The following ANKS1A variants were observed in gnomAD, a reference collection of about 807,000 sequenced individuals.
The protein encoded by ANKS1A is ankyrin repeat and SAM domain-containing protein 1A.
A neutral mutation model predicts 120.3 loss-of-function variants in ANKS1A; 55 were observed. The ratio of observed to expected loss-of-function variants is 0.46; its 90% CI spans 0.37 to 0.57. The LOEUF (loss-of-function observed/expected upper bound fraction) is 0.57, where lower values mean the gene tolerates loss of function less well. Among genes scored for constraint, ANKS1A ranks in the 20% least tolerant of loss-of-function variants. The pLI, the probability that ANKS1A is intolerant of heterozygous loss-of-function variation, is 0.00. For synonymous variants in ANKS1A, 590 were observed against 604.7 expected (o/e 0.98, Z 0.36); for missense variants, 1,123 against 1,480.3 (o/e 0.76, Z 3.96).
chr6:34,889,358 G>A lies in ANKS1A; in HGVS notation c.-45G>A. The A allele has an allele frequency of 7.2e-6, 9 of 1,246,106 alleles. No homozygotes were observed. Among genetic ancestry groups the A allele is most frequent in the Non-Finnish European group, 9.0e-6 (9 of 996,762 alleles). 77.2% of individuals were successfully genotyped at this position (1,246,106 alleles called of 1,614,324 possible). On this transcript the variant is annotated 5_prime_UTR_variant, in exon 1 of 24. Transcript: ENST00000360359. This position sits in a 1 kb window ranked among gnomAD's most constrained non-coding sequence, Gnocchi z 5.5. The stretch of plus-strand genomic sequence containing the variant: ...AAAGTTTGGGAGCCCGAGCAGGCTC[G>A]GCTGCAGCCTCGGGGAGGGGGTCCA...
At position 35,091,294 on chromosome 6, in the gene ANKS1A, G is replaced by A; in HGVS notation, c.*2685G>A. On this transcript the variant is annotated 3_prime_UTR_variant, in exon 24 of 24. Transcript: ENST00000360359. ...TGTGCAACAACATAGACTGACCTCA[G>A]TACCCAAGAGAGTGTAAATATTTCT... is the stretch of plus-strand genomic sequence containing the variant. 1.0e-6 allele frequency: 1 copy of A among 985,822 alleles called. No individual in the cohort carries two copies. The highest frequency in any genetic ancestry group is 1.2e-6 in the Non-Finnish European group (1 of 829,944). The allele number at this position is 985,822 out of a possible 1,614,324, so 61.1% of individuals were successfully genotyped here.
At chr6:35,046,960 T>G (rs985054423) in intron 11 of ANKS1A, among the ~76,000 whole-genome samples, 1 of 152,174 alleles carries the variant, frequency 6.6e-6, no homozygotes, top group Non-Finnish European at 1.5e-5. Context: ...CACTCTAAAT[T>G]TTGCCTATTC....
intron 1 of ANKS1A, among the ~76,000 whole-genome samples, chr6:34,936,983 G>A (rs1156893253): frequency 6.6e-6 from 1 of 152,132 alleles, no homozygotes; most frequent in Non-Finnish European, 1.5e-5. Flanking sequence ...ATCTCAAGAG[G>A]CTTAGAGTCT....
chr6:34,896,073 T>C (rs965657721), intron 1 of ANKS1A, among the ~76,000 whole-genome samples: 1 of 151,460 alleles, frequency 6.6e-6, no homozygotes, highest in African/African-American at 2.4e-5. Flanking sequence ...TTTTTTTTTT[T>C]TCTTTTTTTT....
intron 11 of ANKS1A, among the ~76,000 whole-genome samples, chr6:35,032,533 C>G (rs1774959581): frequency 6.6e-6 from 1 of 152,180 alleles, no homozygotes; most frequent in African/African-American, 2.4e-5. Flanking sequence ...AGAAAAAATG[C>G]AAGTCCTTGA....
intron 1 of ANKS1A, among the ~76,000 whole-genome samples, chr6:34,907,382 C>T (rs924962429): frequency 4.9e-4 from 75 of 152,202 alleles, no homozygotes; most frequent in African/African-American, 1.7e-3. Flanking sequence ...GGTATTGGTT[C>T]GAGGACCCCC....
At chr6:34,955,810 A>C (rs1316510730) in intron 1 of ANKS1A, among the ~76,000 whole-genome samples, 1 of 152,214 alleles carries the variant, frequency 6.6e-6, no homozygotes, top group Non-Finnish European at 1.5e-5. Context: ...ATTTCACCTC[A>C]GAATTTTGAA....
In ANKS1A at chr6:35,082,742, C is replaced by T; in HGVS notation, c.2761C>T (p.Pro921Ser). 6.2e-7 allele frequency: 1 copy of T among 1,613,852 alleles called. No individual in the cohort carries two copies. Among genetic ancestry groups the T allele is most frequent in the South Asian group, 1.1e-5 (1 of 91,062 alleles). The part of the protein sequence containing the change: ...LTLRPPSLAA[P>S]YAPVQSWQHQ... ...CCTGCGGCCCCCGAGCCTGGCAGCC[C>T]CCTACGCCCCAGTGCAGAGTTGGCA... The change falls in exon 18 of 24, where the codon CCC becomes TCC. Residue 921 changes from proline to serine, a missense_variant. By Grantham distance (74) the Pro-to-Ser change is moderately conservative. Transcript: ENST00000360359. This position sits in a 1 kb window ranked among gnomAD's most constrained non-coding sequence, Gnocchi z 4.1.
chr6:35,030,615 A>G (rs1470877000), intron 11 of ANKS1A, among the ~76,000 whole-genome samples: 2 of 152,228 alleles, frequency 1.3e-5, no homozygotes, highest in Non-Finnish European at 2.9e-5. Flanking sequence ...CTTGTAAACC[A>G]CAAGTAACCC....
intron 11 of ANKS1A, among the ~76,000 whole-genome samples, chr6:35,041,171 C>T (rs1043039374): frequency 6.6e-6 from 1 of 152,222 alleles, no homozygotes. Context: ...TTCCTTGGCT[C>T]CTCTGACTGC....
At chr6:35,076,279 C>T (rs1461348231) in intron 13 of ANKS1A, among the ~76,000 whole-genome samples, 13 of 152,050 alleles carry the variant, frequency 8.5e-5, no homozygotes, top group Admixed American at 2.6e-4. Flanking sequence ...AAAAATTAGC[C>T]AGGTGTGGTG....
chr6:34,967,103 C>A (rs1245984034), intron 1 of ANKS1A, 136 bp from the exon 2 acceptor site: 16 of 730,012 alleles, frequency 2.2e-5, no homozygotes, highest in Non-Finnish European at 3.5e-5. Flanking sequence ...TGTGTGTTAT[C>A]AGGAGTCATT....
intron 14 of ANKS1A, among the ~76,000 whole-genome samples, chr6:35,079,208 G>T (rs1777526812): frequency 6.6e-6 from 1 of 152,188 alleles, no homozygotes; most frequent in South Asian, 2.1e-4. Context: ...GTCCCTCCAG[G>T]CCCGTGACCT....
chr6:35,028,720 A>G (rs1241145724), intron 11 of ANKS1A, among the ~76,000 whole-genome samples: 2 of 152,182 alleles, frequency 1.3e-5, no homozygotes, highest in African/African-American at 4.8e-5. Context: ...TGCTTTTTTC[A>G]TGTAATAGTA....
At chr6:35,062,690 C>G (rs1776570573) in intron 13 of ANKS1A, among the ~76,000 whole-genome samples, 1 of 152,190 alleles carries the variant, frequency 6.6e-6, no homozygotes, top group Non-Finnish European at 1.5e-5. Flanking sequence ...CATTTGTGCA[C>G]ATCACACAGC....
At chr6:34,891,933 C>T (rs1240499148) in intron 1 of ANKS1A, among the ~76,000 whole-genome samples, 1 of 152,124 alleles carries the variant, frequency 6.6e-6, no homozygotes, top group East Asian at 1.9e-4. Flanking sequence ...GGCCTCAGGT[C>T]AAGTTATTCT....
At chr6:34,912,254 T>G (rs543752085) in intron 1 of ANKS1A, among the ~76,000 whole-genome samples, 1 of 152,362 alleles carries the variant, frequency 6.6e-6, no homozygotes, top group African/African-American at 2.4e-5. Flanking sequence ...TTCTTGTTTA[T>G]TTATTTGTTG....
intron 10 of ANKS1A, among the ~76,000 whole-genome samples, chr6:34,996,947 C>T (rs73403805): frequency 0.12 from 18,976 of 152,092 alleles, 1,345 homozygotes; most frequent in East Asian, 0.34. Context: ...ACCTTCCTTT[C>T]GCTATTGAAT....
chr6:35,097,614 C>T, the ANKS1A span, among the ~76,000 whole-genome samples: 4 of 115,812 alleles, frequency 3.5e-5, no homozygotes. Flanking sequence ...AAGTCTGACA[C>T]AAGGCACCAG....
Sources: allele counts gnomAD v4.1 joint callset (sites outside exome capture counted in the v4.1 genomes callset), GRCh38; gene constraint gnomAD v4.1.1; non-coding constraint Gnocchi (gnomAD v3.1); transcripts MANE v1.5; gene names NCBI Gene and HGNC (gene_info 2026-07-23, HGNC 2026-07-21).